The following MTCL1 variants were observed in gnomAD, a reference collection of about 807,000 sequenced individuals.
MTCL1 encodes the protein microtubule cross-linking factor 1.
Under a neutral mutation model 141.4 loss-of-function variants are expected in MTCL1, and 79 were observed. The ratio of observed to expected loss-of-function variants is 0.56; its 90% CI spans 0.47 to 0.67. The LOEUF (loss-of-function observed/expected upper bound fraction) is 0.67, where lower values mean the gene tolerates loss of function less well. MTCL1 is among the 30% of genes least tolerant of loss of function. The pLI, the probability that MTCL1 is intolerant of heterozygous loss-of-function variation, is 0.00. For missense variants in MTCL1, 2,177 were observed against 2,113.9 expected (o/e 1.03, Z -0.59); for synonymous variants, 914 against 875.8 (o/e 1.04, Z -0.77).
At chr18:8,750,897 G>T (rs903070407) in intron 4 of MTCL1, among the ~76,000 whole-genome samples, 2 of 152,174 alleles carry the variant, frequency 1.3e-5, no homozygotes, top group African/African-American at 4.8e-5. Context: ...TGGGAGTGAG[G>T]CCTGCAGTTG....
chr18:8,797,104 C>T (rs1404385466), intron 9 of MTCL1, among the ~76,000 whole-genome samples: 17 of 152,172 alleles, frequency 1.1e-4, no homozygotes, highest in Admixed American at 2.0e-4. Context: ...AGCAAAGTTC[C>T]GCTCCCGTCT....
chr18:8,744,857 G>A (rs188363996), intron 4 of MTCL1, among the ~76,000 whole-genome samples: 52 of 152,240 alleles, frequency 3.4e-4, no homozygotes, highest in Middle Eastern at 3.4e-3. Flanking sequence ...CCTCCATCCT[G>A]CCCTCCACCC....
chr18:8,785,256 G>A (rs1351117587), intron 6 of MTCL1, among the ~76,000 whole-genome samples: 1 of 152,138 alleles, frequency 6.6e-6, no homozygotes. Context: ...GTCACAGTCA[G>A]GATAATTAGC....
chr18:8,724,571 C>T (rs900064685), intron 4 of MTCL1, among the ~76,000 whole-genome samples: 1 of 152,176 alleles, frequency 6.6e-6, no homozygotes, highest in African/African-American at 2.4e-5. Context: ...GTTTTCTCTA[C>T]ATGCCAAAAT....
intron 4 of MTCL1, among the ~76,000 whole-genome samples, chr18:8,738,608 A>G (rs1371386357): frequency 6.6e-6 from 1 of 152,228 alleles, no homozygotes; most frequent in East Asian, 1.9e-4. Flanking sequence ...AGAATAGAAA[A>G]TAGAGACACT....
exon 17 of MTCL1, chr18:8,831,903 C>G: frequency 1.5e-6 from 2 of 1,372,536 alleles, no homozygotes; most frequent in Non-Finnish European, 2.0e-6. Flanking sequence ...CTAGTTTTCT[C>G]AAGGTCAAAG....
chr18:8,773,054 T>C (rs1472452914), intron 4 of MTCL1, among the ~76,000 whole-genome samples: 1 of 152,230 alleles, frequency 6.6e-6, no homozygotes, highest in Non-Finnish European at 1.5e-5. Flanking sequence ...ATCTTAAATA[T>C]ATACAATAAA....
chr18:8,811,371 A>G (rs772951090), intron 11 of MTCL1: 2 of 152,230 alleles, frequency 1.3e-5, no homozygotes, highest in African/African-American at 2.4e-5. Context: ...GTCCACCCAC[A>G]TGACCCAGAC....
At chr18:8,714,970 T>G (rs1011051800), upstream of MTCL1, among the ~76,000 whole-genome samples, 38 of 152,134 alleles carry the variant, frequency 2.5e-4, no homozygotes, top group Non-Finnish European at 2.1e-4. Context: ...CTAATTTTTT[T>G]TATTTTTAGT....
chr18:8,784,252 C>A (rs769953858), exon 6 of MTCL1: 2 of 1,606,532 alleles, frequency 1.2e-6, no homozygotes, highest in East Asian at 2.2e-5. Flanking sequence ...TGCGTGCCCC[C>A]AGTCCCCGGG....
chr18:8,793,299 C>G (rs1379624192), intron 8 of MTCL1, among the ~76,000 whole-genome samples, 179 bp downstream of exon 7: 1 of 152,188 alleles, frequency 6.6e-6, no homozygotes, highest in East Asian at 1.9e-4. Flanking sequence ...CTAAAGATAA[C>G]TCTGCTTTTC....
chr18:8,784,164 A>G, exon 6 of MTCL1: 1 of 1,613,852 alleles, frequency 6.2e-7, no homozygotes, highest in Non-Finnish European at 8.5e-7. Context: ...CTCAGCGGCA[A>G]GGTGCTCAAA....
At chr18:8,785,063 T>G (rs1383822979) in intron 6 of MTCL1, among the ~76,000 whole-genome samples, 3 of 151,952 alleles carry the variant, frequency 2.0e-5, no homozygotes, top group Non-Finnish European at 4.4e-5. Flanking sequence ...CTTGTTTCTT[T>G]TTCCTTTCTC....
rs534378939 is a variant in MTCL1, at chr18:8,821,245, G to A, written c.3157-222G>A. On this transcript the variant is annotated intron_variant, in intron 13 of 16. Coordinates refer to ENST00000359865, the Ensembl canonical transcript of MTCL1. Reference sequence around the variant, plus strand: ...TTCTCACTCATGTGGGCTTCTCCCTGGACTACAGAAGCTCCAGCCCCTCAT... The same window carrying A: ...TTCTCACTCATGTGGGCTTCTCCCTAGACTACAGAAGCTCCAGCCCCTCAT... Among the ~76,000 whole-genome samples the A allele has an allele frequency of 7.6e-4, 116 of 152,264 alleles. 1 individual carries two copies. In the South Asian group the frequency reaches 0.023, roughly 31 times the overall value.
In MTCL1 at chr18:8,784,427, C is replaced by T. The variant is rs758446916; in HGVS notation, c.1315C>T (p.Pro439Ser). ...CGGGAAGCCATCGGAGGCCAGCGAG[C>T]CATGCCCCACGGAGCTCCTGAAGGC... Residue 439 changes from proline to serine, a missense_variant, in exon 6 of 17, where the codon CCA becomes TCA. Coordinates refer to ENST00000359865, the Ensembl canonical transcript of MTCL1. 11 of 1,528,740 alleles carry T rather than the reference C, an allele frequency of 7.2e-6. No homozygotes were observed. In the South Asian group the frequency reaches 1.2e-4, roughly 16 times the overall value. The allele number at this position is 1,528,740 out of a possible 1,614,324, so 94.7% of individuals were successfully genotyped here.
chr18:8,764,314 T>G (rs536111338), intron 4 of MTCL1, among the ~76,000 whole-genome samples: 4 of 152,038 alleles, frequency 2.6e-5, no homozygotes, highest in African/African-American at 9.7e-5. Flanking sequence ...GAAGGTACTA[T>G]TCTCACTTTT....
chr18:8,812,965 C>T lies in MTCL1; in HGVS notation c.2605-14C>T. 1 of 1,602,960 alleles carries T rather than the reference C, an allele frequency of 6.2e-7. No homozygotes were observed. Among genetic ancestry groups the T allele is most frequent in the Non-Finnish European group, 8.5e-7 (1 of 1,171,500 alleles). ...TGTCAGAGAGGGAATTCCTAAGTCTCTTCTCCTTGACAGCTGGAAGAGAAG... is the reference window on the plus strand; with the variant it reads ...TGTCAGAGAGGGAATTCCTAAGTCTTTTCTCCTTGACAGCTGGAAGAGAAG... On this transcript the variant is annotated splice_polypyrimidine_tract_variant and intron_variant, in intron 11 of 16. Coordinates refer to ENST00000359865, the Ensembl canonical transcript of MTCL1.
chr18:8,765,240 G>A (rs1220701067), intron 4 of MTCL1, among the ~76,000 whole-genome samples: 1 of 152,196 alleles, frequency 6.6e-6, no homozygotes, highest in Non-Finnish European at 1.5e-5. Context: ...CCCTAGGAAG[G>A]TTGATGCAGC....
chr18:8,768,028 A>AT (rs1211531679), intron 4 of MTCL1, among the ~76,000 whole-genome samples: 1 of 152,202 alleles, frequency 6.6e-6, no homozygotes, highest in Admixed American at 6.5e-5. Flanking sequence ...TGGCTACACA[A>AT]TATTATATTA....
Sources: gnomAD v4.1 joint callset for allele counts (sites outside exome capture counted in the v4.1 genomes callset) on GRCh38, gnomAD v4.1.1 for gene constraint, MANE v1.5 for transcripts, NCBI Gene and HGNC (gene_info 2026-07-23, HGNC 2026-07-21) for gene names.